Variants in GNG4 observed in about 807,000 individuals in gnomAD.
GNG4 encodes the protein G protein subunit gamma 4, also known as guanine nucleotide-binding protein G(I)/G(S)/G(O) subunit gamma-4.
In GNG4, 4 loss-of-function variants were observed where a neutral mutation model predicts 5.8. The ratio of observed to expected loss-of-function variants is 0.69; its 90% confidence interval spans 0.34 to 1.57. The LOEUF (loss-of-function observed/expected upper bound fraction) is 1.57, where lower values mean the gene tolerates loss of function less well. Among genes scored for constraint, GNG4 ranks in the 40% most tolerant of loss-of-function variants. GNG4 has a pLI of 0.06. For missense variants in GNG4, 96 were observed against 95.1 expected, an observed-to-expected ratio of 1.01 and a Z score of -0.04; for synonymous variants, 29 against 32.9, an observed-to-expected ratio of 0.88 and a Z score of 0.41.
rs555098203 is a variant in GNG4 at position 235,592,509 on chromosome 1, C to CTAAA, written c.-11+2887_-11+2890dup. ...GGGTGACAGAATGAGACTCTTATCT[C>CTAAA]TAAATAAATAAATAAATTTCTTCCT... On this transcript the variant is annotated intron_variant, in intron 2 of 3. Coordinates refer to ENST00000391854, the MANE Select transcript of GNG4 (RefSeq NM_001098722.2). Among the ~76,000 whole-genome samples, 50 of 152,156 alleles carry CTAAA rather than the reference C, an allele frequency of 3.3e-4. No individual in the cohort carries two copies. In the South Asian group the frequency reaches 9.1e-3, roughly 28 times the overall value.
intron 3 of GNG4, among the ~76,000 whole-genome samples, chr1:235,582,747 A>C (rs555709432): frequency 1.9e-4 from 29 of 152,332 alleles, no homozygotes; most frequent in Admixed American, 1.3e-3. Context: ...CTCTAGTAAC[A>C]TGGGTCCGGT....
chr1:235,564,816 G>C (rs1460713191), intron 3 of GNG4, among the ~76,000 whole-genome samples: 6 of 152,164 alleles, frequency 3.9e-5, no homozygotes, highest in African/African-American at 1.4e-4. Flanking sequence ...CCCCCGAGTA[G>C]CTGGGACCAC....
At chr1:235,632,191 T>C (rs1688945054) in intron 1 of GNG4, among the ~76,000 whole-genome samples, 1 of 152,080 alleles carries the variant, frequency 6.6e-6, no homozygotes, top group Admixed American at 6.5e-5. Flanking sequence ...TGGGCTCAAG[T>C]CATCCTCCTG....
chr1:235,592,659 C>T (rs966808929), intron 2 of GNG4, among the ~76,000 whole-genome samples: 6 of 152,218 alleles, frequency 3.9e-5, no homozygotes, highest in African/African-American at 1.2e-4. Context: ...AATCCATCCA[C>T]GACCTGTAAC....
chr1:235,611,766 T>C (rs1688479530), intron 1 of GNG4, among the ~76,000 whole-genome samples: 1 of 152,132 alleles, frequency 6.6e-6, no homozygotes, highest in African/African-American at 2.4e-5. Context: ...ATTGCCAGTA[T>C]ATATGATGAA....
intron 1 of GNG4, among the ~76,000 whole-genome samples, chr1:235,609,909 A>C (rs972545670): frequency 2.0e-5 from 3 of 152,134 alleles, no homozygotes; most frequent in Non-Finnish European, 2.9e-5. Context: ...TTCTTGAACC[A>C]CTTGAATGGG....
At chr1:235,563,360 C>T (rs747210395) in intron 3 of GNG4, among the ~76,000 whole-genome samples, 4 of 130,790 alleles carry the variant, frequency 3.1e-5, no homozygotes, top group South Asian at 4.8e-4. Flanking sequence ...GAGCAGAGAT[C>T]GCCCCACGGC....
At chr1:235,624,407 C>T (rs1036063584) in intron 1 of GNG4, among the ~76,000 whole-genome samples, 3 of 152,004 alleles carry the variant, frequency 2.0e-5, no homozygotes, top group African/African-American at 4.8e-5. Context: ...CCCCCGTGCC[C>T]GGCTGCCAAT....
intron 3 of GNG4, among the ~76,000 whole-genome samples, chr1:235,580,769 G>C (rs1212497058): frequency 1.2e-5 from 1 of 86,222 alleles, no homozygotes; most frequent in Non-Finnish European, 2.1e-5. Flanking sequence ...TTTTTTTCCT[G>C]AGATGGGGTC....
At chr1:235,614,207 A>G (rs756116993) in intron 1 of GNG4, among the ~76,000 whole-genome samples, 17 of 152,086 alleles carry the variant, frequency 1.1e-4, no homozygotes, top group Non-Finnish European at 1.5e-5. Context: ...TGGCCATAAC[A>G]TTCTTTGTAA....
Position 235,644,631 on chromosome 1 carries a change from C to T in GNG4, c.-123+5031G>A, listed in dbSNP as rs74148733. Among the ~76,000 whole-genome samples the T allele has an allele frequency of 4.6e-3, 706 of 152,276 alleles. 5 individuals are homozygous for T. The highest frequency in any genetic ancestry group is 0.016 in the African/African-American group (659 of 41,552). On this transcript the variant is annotated intron_variant, in intron 1 of 3. Coordinates refer to ENST00000391854, the MANE Select transcript of GNG4 (RefSeq NM_001098722.2). The surrounding 1 kb of genome is among the most constrained non-coding windows in gnomAD (Gnocchi z 5.9). ...AGACTAGAGCAGCTTCTGAGTGATA[C>T]GCAAAGTTAACTGGGGCACAGAGAA...
At chr1:235,579,194 A>G (rs1460532458) in intron 3 of GNG4, among the ~76,000 whole-genome samples, 1 of 152,106 alleles carries the variant, frequency 6.6e-6, no homozygotes, top group Non-Finnish European at 1.5e-5. Flanking sequence ...TGTATACTTG[A>G]AAATTGCTAA....
At chr1:235,626,958 C>CAA (rs776506587) in intron 1 of GNG4, among the ~76,000 whole-genome samples, 11 of 77,392 alleles carry the variant, frequency 1.4e-4, no homozygotes, top group African/African-American at 2.5e-4. Flanking sequence ...GACTCTATCT[C>CAA]AAAAAAAAAA....
rs1686766918 is a variant in GNG4 at position 235,552,138 on chromosome 1, C to T, written c.199G>A (p.Glu67Lys). Residue 67 changes from glutamate to lysine, a missense_variant, in exon 4 of 4, where the codon GAG (glutamate) becomes AAG (lysine). Coordinates refer to ENST00000391854, the MANE Select transcript of GNG4 (RefSeq NM_001098722.2). ...AGAATGGTACAAAAGAACTTCTTCT[C>T]GCGAAAGGGGTTTTCTGATGCAGGC... The part of the protein sequence containing the change: ...PVPASENPFR[E>K]KKFFCTIL The T allele has an allele frequency of 1.2e-6, 2 of 1,613,966 alleles. No homozygotes were observed. Among genetic ancestry groups the T allele is most frequent in the South Asian group, 1.1e-5 (1 of 91,068 alleles).
intron 1 of GNG4, among the ~76,000 whole-genome samples, chr1:235,628,877 A>G (rs1688875994): frequency 1.3e-5 from 2 of 151,968 alleles, no homozygotes; most frequent in Admixed American, 1.3e-4. Flanking sequence ...TTGCATTTGT[A>G]GAGTCTTCAG....
chr1:235,606,337 G>A (rs757081625), intron 1 of GNG4, among the ~76,000 whole-genome samples: 7 of 152,096 alleles, frequency 4.6e-5, no homozygotes, highest in Non-Finnish European at 5.9e-5. Flanking sequence ...AGCTGAGATC[G>A]TGCCACTGAA....
At chr1:235,609,710 C>T (rs1395523076) in intron 1 of GNG4, among the ~76,000 whole-genome samples, 1 of 151,902 alleles carries the variant, frequency 6.6e-6, no homozygotes, top group East Asian at 1.9e-4. Context: ...CTCAGGAGTT[C>T]GAGACTAGCC....
At chr1:235,600,100 CTTTTTTT>C (rs533853180) in intron 1 of GNG4, among the ~76,000 whole-genome samples, 1,434 of 43,068 alleles carry the variant, frequency 0.033, 26 homozygotes, top group Non-Finnish European at 0.049. Context: ...CGGAAGAAAG[CTTTTTTT>C]TTTTTTTTTT....
chr1:235,558,457 G>C (rs908157130), intron 3 of GNG4, among the ~76,000 whole-genome samples: 1 of 152,138 alleles, frequency 6.6e-6, no homozygotes, highest in Non-Finnish European at 1.5e-5. Flanking sequence ...GGTAATGACC[G>C]TCTAAATGAG....
Sources: gnomAD v4.1 joint callset for allele counts (sites outside exome capture counted in the v4.1 genomes callset) on GRCh38, gnomAD v4.1.1 for gene constraint, Gnocchi (gnomAD v3.1) non-coding constraint, MANE v1.5 for transcripts, NCBI Gene and HGNC (gene_info 2026-07-23, HGNC 2026-07-21) for gene names.